Variants in RBFOX1 observed in about 807,000 individuals in gnomAD.
The protein encoded by RBFOX1 is RNA binding protein fox-1 homolog 1.
In RBFOX1, 8 loss-of-function variants were observed where a neutral mutation model predicts 57.7. That is an observed-to-expected ratio of 0.14 (90% CI 0.08 to 0.25). The LOEUF (loss-of-function observed/expected upper bound fraction) is 0.25, where lower values mean the gene tolerates loss of function less well. Among genes scored for constraint, RBFOX1 ranks in the 10% least tolerant of loss-of-function variants. The pLI is 1.00. For synonymous variants in RBFOX1, 326 were observed against 222.4 expected (o/e 1.47, Z -4.15); for missense variants, 611 against 548.5 (o/e 1.11, Z -1.14).
At chr16:5,353,001 G>A (rs2065298096) in intron 1 of RBFOX1, among the ~76,000 whole-genome samples, 2 of 152,116 alleles carry the variant, frequency 1.3e-5, no homozygotes, top group Admixed American at 1.3e-4. Context: ...CAATTTTTCT[G>A]ATACTATTCT....
intron 3 of RBFOX1, among the ~76,000 whole-genome samples, chr16:6,859,720 A>G (rs1211123936): frequency 6.6e-6 from 1 of 152,110 alleles, no homozygotes; most frequent in Non-Finnish European, 1.5e-5. Flanking sequence ...AAAATGAGAA[A>G]TGTCTTTCAC....
chr16:7,005,471 A>T (rs931898985), intron 3 of RBFOX1, among the ~76,000 whole-genome samples: 1 of 152,194 alleles, frequency 6.6e-6, no homozygotes, highest in Non-Finnish European at 1.5e-5. Flanking sequence ...AATTGACAGG[A>T]ATGGGGAGAA....
chr16:6,899,325 C>G (rs1365318362), intron 3 of RBFOX1, among the ~76,000 whole-genome samples: 1 of 152,060 alleles, frequency 6.6e-6, no homozygotes, highest in Non-Finnish European at 1.5e-5. Context: ...TTCAGGGTTT[C>G]CTTGCATTCC....
chr16:6,300,019 A>T (rs2078627471), intron 1 of RBFOX1, among the ~76,000 whole-genome samples: 1 of 152,204 alleles, frequency 6.6e-6, no homozygotes, highest in Non-Finnish European at 1.5e-5. Flanking sequence ...TCAAAAGACA[A>T]GGACATTCTG....
chr16:6,357,305 G>A (rs1260164731), intron 2 of RBFOX1, among the ~76,000 whole-genome samples: 1 of 152,104 alleles, frequency 6.6e-6, no homozygotes, highest in African/African-American at 2.4e-5. Context: ...GGTTGAGGGA[G>A]AGACTGGGGA....
chr16:7,707,409 G>A lies in RBFOX1; in HGVS notation c.996-1647G>A, dbSNP rs141674810. 3.1e-3 allele frequency among the ~76,000 whole-genome samples: 475 copies of A among 152,252 alleles called. 2 individuals are homozygous for A. Among genetic ancestry groups the A allele is most frequent in the African/African-American group, 0.011 (448 of 41,552 alleles). ...AGGAAAATGGGGGGAAAACAGGAAAGGAGAGGGAAAAGGTACGTGCAAATT... is the reference window on the plus strand; with the variant it reads ...AGGAAAATGGGGGGAAAACAGGAAAAGAGAGGGAAAAGGTACGTGCAAATT... On this transcript the variant is annotated intron_variant, in intron 14 of 15. Coordinates refer to ENST00000550418, the MANE Select transcript of RBFOX1 (RefSeq NM_018723.4).
chr16:6,741,691 A>T (rs1006236828), intron 3 of RBFOX1, among the ~76,000 whole-genome samples: 2 of 151,786 alleles, frequency 1.3e-5, no homozygotes, highest in Non-Finnish European at 2.9e-5. Context: ...AAAATTAAGG[A>T]TGTGGTCTCT....
chr16:5,311,774 A>G (rs1252263343), intron 1 of RBFOX1, among the ~76,000 whole-genome samples: 1 of 151,980 alleles, frequency 6.6e-6, no homozygotes, highest in African/African-American at 2.4e-5. Context: ...TTCAAATTAC[A>G]CTCTTAGTAG....
intron 3 of RBFOX1, among the ~76,000 whole-genome samples, chr16:6,790,903 C>G (rs983099560): frequency 4.0e-5 from 6 of 151,652 alleles, no homozygotes; most frequent in African/African-American, 1.5e-4. Context: ...TTTATTTTTT[C>G]CTGTTTATCT....
chr16:7,064,597 A>C (rs924563931), intron 4 of RBFOX1, among the ~76,000 whole-genome samples: 1 of 152,076 alleles, frequency 6.6e-6, no homozygotes, highest in Non-Finnish European at 1.5e-5. Flanking sequence ...AACCCCCCTG[A>C]CACCTGAGTC....
intron 3 of RBFOX1, among the ~76,000 whole-genome samples, chr16:6,762,188 GTTATAA>G (rs373086657): frequency 3.4e-4 from 51 of 151,376 alleles, no homozygotes; most frequent in African/African-American, 1.2e-3. Context: ...ATTCCATAGG[GTTATAA>G]TTAGAATTAG....
intron 3 of RBFOX1, among the ~76,000 whole-genome samples, chr16:6,694,834 G>A (rs905032622): frequency 6.6e-6 from 1 of 152,074 alleles, no homozygotes; most frequent in Non-Finnish European, 1.5e-5. Context: ...TGATTGGACA[G>A]ACCTGGTCTA....
chr16:6,361,771 T>C (rs2152870335), intron 2 of RBFOX1, among the ~76,000 whole-genome samples: 1 of 152,270 alleles, frequency 6.6e-6, no homozygotes, highest in South Asian at 2.1e-4. Flanking sequence ...TCAGTGTATT[T>C]TAAAGATTTC....
chr16:7,187,250 C>T (rs1188410457), intron 4 of RBFOX1, among the ~76,000 whole-genome samples: 2 of 151,968 alleles, frequency 1.3e-5, no homozygotes, highest in Non-Finnish European at 2.9e-5. Context: ...AGAGTAGGAA[C>T]AAGTAGCATA....
At chr16:5,631,641 T>G (rs2048510943) in intron 3 of RBFOX1, among the ~76,000 whole-genome samples, 1 of 152,196 alleles carries the variant, frequency 6.6e-6, no homozygotes, top group African/African-American at 2.4e-5. Flanking sequence ...TCCTTTGCCC[T>G]TCTGCATTCA....
intron 3 of RBFOX1, among the ~76,000 whole-genome samples, chr16:5,692,236 T>C (rs1448486853): frequency 6.6e-6 from 1 of 150,734 alleles, no homozygotes; most frequent in East Asian, 1.9e-4. Context: ...TGCTAGCAGA[T>C]GCACAGAAGC....
intron 3 of RBFOX1, among the ~76,000 whole-genome samples, chr16:6,893,891 C>T (rs1263068452): frequency 6.6e-6 from 1 of 152,112 alleles, no homozygotes; most frequent in Non-Finnish European, 1.5e-5. Context: ...CTGATAGGGT[C>T]AGCTGTCACA....
chr16:6,662,702 C>G lies in RBFOX1; in HGVS notation c.-16+8052C>G, dbSNP rs144204099. ...AAGACTCAAACATTTGATCATCTAC[C>G]TTTTTGACCAAGAGACCCAGAGCCC... On this transcript the variant is annotated intron_variant, in intron 3 of 15. Coordinates refer to ENST00000550418, the MANE Select transcript of RBFOX1 (RefSeq NM_018723.4). Among the ~76,000 whole-genome samples, 65 of 152,182 alleles carry G rather than the reference C, an allele frequency of 4.3e-4. No individual in the cohort carries two copies. The East Asian group carries it at 0.011, about 26-fold the overall frequency.
intron 3 of RBFOX1, among the ~76,000 whole-genome samples, chr16:5,852,104 C>G (rs1336974154): frequency 6.6e-6 from 1 of 152,164 alleles, no homozygotes; most frequent in African/African-American, 2.4e-5. Flanking sequence ...GCAGAGTGAT[C>G]AGAATGATCC....
Sources: gnomAD v4.1 joint callset for allele counts (sites outside exome capture counted in the v4.1 genomes callset) on GRCh38, gnomAD v4.1.1 for gene constraint, MANE v1.5 for transcripts, NCBI Gene and HGNC (gene_info 2026-07-23, HGNC 2026-07-21) for gene names.